Variants in ARHGAP32 observed in about 807,000 individuals in gnomAD.
The protein encoded by ARHGAP32 is rho GTPase-activating protein 32.
Under a neutral mutation model 186.5 loss-of-function variants are expected in ARHGAP32, and 51 were observed. The observed-to-expected ratio is 0.27, with a 90% CI of 0.22 to 0.35. ARHGAP32 has a LOEUF of 0.35. Ranked by LOEUF, ARHGAP32 falls within the 10% of genes least tolerant of loss-of-function variation. The pLI is 1.00. For missense variants in ARHGAP32, 2,186 were observed against 2,623.5 expected (o/e 0.83, Z 3.64); for synonymous variants, 950 against 964.3 (o/e 0.99, Z 0.27).
chr11:129,154,948 C>A lies in ARHGAP32; in HGVS notation c.225+9371G>T, dbSNP rs572452077. On this transcript the variant is annotated intron_variant, in intron 2 of 22. Coordinates refer to ENST00000682385, the MANE Select transcript of ARHGAP32 (RefSeq NM_001378024.1). ...AATCAAGAGTCAATCCAGTCCATCA[C>A]CTATTTTGTATAGCCCTTGAGCTAA... Among the ~76,000 whole-genome samples the A allele has an allele frequency of 2.0e-5, 3 of 152,252 alleles. No individual in the cohort carries two copies. In the East Asian group the frequency reaches 5.8e-4, roughly 29 times the overall value.
In ARHGAP32 at chr11:128,970,563, T is replaced by C. The variant is rs1215786981; in HGVS notation, c.4650A>G (p.Thr1550=). The C allele has an allele frequency of 1.2e-6, 2 of 1,614,008 alleles. No homozygotes were observed. Among genetic ancestry groups the C allele is most frequent in the Non-Finnish European group, 1.7e-6 (2 of 1,180,024 alleles). The change falls in exon 23 of 23, where the codon ACA becomes ACG. Residue 1550 remains threonine (T), a synonymous_variant. Transcript: ENST00000682385. The surrounding 1 kb of genome is among the most constrained non-coding windows in gnomAD (Gnocchi z 5.8). The part of the protein sequence containing the change: ...PPASMGLRYN[T]YVAPGRNASG... The stretch of plus-strand genomic sequence containing the variant: ...ATGCGTTTCTTCCTGGGGCCACATA[T>C]GTGTTATAACGAAGACCCATGGAGG...
At chr11:129,014,665 T>C (rs761054858) in intron 11 of ARHGAP32, among the ~76,000 whole-genome samples, 2 of 152,214 alleles carry the variant, frequency 1.3e-5, no homozygotes, top group African/African-American at 2.4e-5. Context: ...CCTGTGCAGA[T>C]TGTTCTGATT....
intron 1 of ARHGAP32, among the ~76,000 whole-genome samples, chr11:129,169,442 T>C (rs1373873133): frequency 6.6e-6 from 1 of 151,752 alleles, no homozygotes; most frequent in Non-Finnish European, 1.5e-5. Context: ...CCATCCTGCC[T>C]AATACGGTGA....
At chr11:128,980,151 C>G (rs1945667182) in intron 18 of ARHGAP32, among the ~76,000 whole-genome samples, 1 of 152,216 alleles carries the variant, frequency 6.6e-6, no homozygotes, top group African/African-American at 2.4e-5. Flanking sequence ...CTCTTCTAAC[C>G]TTAATGTGAA....
At chr11:129,028,989 G>A (rs1265562276) in intron 11 of ARHGAP32, among the ~76,000 whole-genome samples, 1 of 152,088 alleles carries the variant, frequency 6.6e-6, no homozygotes, top group Admixed American at 6.5e-5. Flanking sequence ...AAGAATGACT[G>A]GAAATGCTAC....
Position 129,164,305 on chromosome 11 carries a change from T to C in ARHGAP32, c.225+14A>G, listed in dbSNP as rs1943590020. 3 of 1,439,026 alleles carry C rather than the reference T, an allele frequency of 2.1e-6. No homozygotes were observed. Among genetic ancestry groups the C allele is most frequent in the South Asian group, 1.3e-5 (1 of 79,556 alleles). 89.1% of individuals were successfully genotyped at this position (1,439,026 alleles called of 1,614,324 possible). A position where few individuals can be genotyped will look rare whatever the true frequency, so the allele number is the denominator to read the frequency against. Reference sequence around the variant, plus strand: ...ATATATGTATATATGAACAATTGTATAAAACTGATTTACCATTGCGCTAAG... The same window carrying C: ...ATATATGTATATATGAACAATTGTACAAAACTGATTTACCATTGCGCTAAG... On this transcript the variant is annotated intron_variant, in intron 2 of 22. Coordinates refer to ENST00000682385, the MANE Select transcript of ARHGAP32 (RefSeq NM_001378024.1).
intron 22 of ARHGAP32, chr11:128,971,913 A>T (rs1232977904): frequency 6.6e-6 from 1 of 152,330 alleles, no homozygotes; most frequent in African/African-American, 2.4e-5. Flanking sequence ...ACTATGGGAC[A>T]AACTGCTGGT....
At chr11:129,205,021 T>G (rs1362615294) in intron 1 of ARHGAP32, among the ~76,000 whole-genome samples, 3 of 152,118 alleles carry the variant, frequency 2.0e-5, no homozygotes, top group African/African-American at 7.2e-5. Context: ...ACTGCAAAAA[T>G]AAAGTTAATC....
At chr11:129,095,233 G>A (rs1591609765) in intron 5 of ARHGAP32, among the ~76,000 whole-genome samples, 1 of 152,318 alleles carries the variant, frequency 6.6e-6, no homozygotes, top group South Asian at 2.1e-4. Context: ...TCATGAGACA[G>A]AAGTGACTCA....
intron 6 of ARHGAP32, among the ~76,000 whole-genome samples, chr11:129,087,362 A>C (rs1435606798): frequency 6.6e-6 from 1 of 152,252 alleles, no homozygotes; most frequent in African/African-American, 2.4e-5. Context: ...CAGTAGATGA[A>C]TGAATACATA....
intron 1 of ARHGAP32, among the ~76,000 whole-genome samples, chr11:129,178,327 T>C (rs866646817): frequency 2.0e-5 from 3 of 151,248 alleles, no homozygotes; most frequent in South Asian, 2.1e-4. Flanking sequence ...TCCATGCTCA[T>C]GGGTAGGAAG....
In ARHGAP32 at chr11:129,032,301, G is replaced by A. The variant is rs187372024; in HGVS notation, c.1045+8627C>T. Among the ~76,000 whole-genome samples, 555 of 152,300 alleles carry A rather than the reference G, an allele frequency of 3.6e-3. 2 individuals carry two copies. Among genetic ancestry groups the A allele is most frequent in the African/African-American group, 0.013 (531 of 41,556 alleles). ...GTTCTGCTCCTACCAGTTGCCCAGA[G>A]GTGCTCATCCTTGCCTCTGCACCCA... On this transcript the variant is annotated intron_variant, in intron 11 of 22. Coordinates refer to ENST00000682385, the MANE Select transcript of ARHGAP32 (RefSeq NM_001378024.1).
At chr11:129,119,923 GA>G (rs1437887906) in intron 5 of ARHGAP32, among the ~76,000 whole-genome samples, 1 of 152,048 alleles carries the variant, frequency 6.6e-6, no homozygotes, top group Non-Finnish European at 1.5e-5. Context: ...GATGAGGTCG[GA>G]AAGGTAAGGG....
At chr11:129,040,568 C>T (rs1473238035) in intron 11 of ARHGAP32, among the ~76,000 whole-genome samples, 1 of 152,124 alleles carries the variant, frequency 6.6e-6, no homozygotes, top group African/African-American at 2.4e-5. Context: ...TTAAAATATA[C>T]TTACTTTTCA....
At chr11:129,074,755 G>A (rs1940983256) in intron 6 of ARHGAP32, among the ~76,000 whole-genome samples, 1 of 152,158 alleles carries the variant, frequency 6.6e-6, no homozygotes, top group African/African-American at 2.4e-5. Context: ...GCCTCCCAAA[G>A]TGCTGGGATT....
intron 1 of ARHGAP32, among the ~76,000 whole-genome samples, chr11:129,249,087 A>G (rs1297079402): frequency 6.6e-6 from 1 of 152,214 alleles, no homozygotes; most frequent in African/African-American, 2.4e-5. Context: ...CATAAGACAG[A>G]GGATACATTT....
Position 129,123,665 on chromosome 11 carries a change from T to C in ARHGAP32, c.360-135A>G. Reference sequence around the variant, plus strand: ...TAAGCACATGCGCATGAGCCACACATATCCGCACAAATCCTCTTAAAAATA... The same window carrying C: ...TAAGCACATGCGCATGAGCCACACACATCCGCACAAATCCTCTTAAAAATA... On this transcript the variant is annotated intron_variant, in intron 4 of 22. Coordinates refer to ENST00000682385, the MANE Select transcript of ARHGAP32 (RefSeq NM_001378024.1). This position sits in a 1 kb window ranked among gnomAD's most constrained non-coding sequence, Gnocchi z 4.6. 1.2e-6 allele frequency: 1 copy of C among 801,304 alleles called. No homozygotes were observed. Among genetic ancestry groups the C allele is most frequent in the Non-Finnish European group, 2.0e-6 (1 of 492,580 alleles). 49.6% of individuals were successfully genotyped at this position (801,304 alleles called of 1,614,324 possible). A position where few individuals can be genotyped will look rare whatever the true frequency, so the allele number is the denominator to read the frequency against.
intron 10 of ARHGAP32, among the ~76,000 whole-genome samples, chr11:129,050,245 A>G (rs1279443926): frequency 6.6e-6 from 1 of 152,208 alleles, no homozygotes. Context: ...GTTTTAACCT[A>G]CATTTCTCGA....
chr11:129,033,799 G>A (rs1024641472), intron 11 of ARHGAP32, among the ~76,000 whole-genome samples: 2 of 152,076 alleles, frequency 1.3e-5, no homozygotes, highest in African/African-American at 4.8e-5. Flanking sequence ...ATATTCAGAT[G>A]TCCAGCTGAC....
Sources: allele counts gnomAD v4.1 joint callset (sites outside exome capture counted in the v4.1 genomes callset), GRCh38; gene constraint gnomAD v4.1.1; non-coding constraint Gnocchi (gnomAD v3.1); transcripts MANE v1.5; gene names NCBI Gene and HGNC (gene_info 2026-07-23, HGNC 2026-07-21).